The following APC variants were observed in gnomAD, a reference collection of about 807,000 sequenced individuals.
APC encodes the protein APC regulator of Wnt signaling pathway.
In APC, 72 loss-of-function variants were observed where a neutral mutation model predicts 247.0. The ratio of observed to expected loss-of-function variants is 0.29; its 90% CI spans 0.24 to 0.35. APC has a LOEUF of 0.35. APC is among the 10% of genes least tolerant of loss of function. The probability of loss-of-function intolerance (pLI) is 1.00; values close to 1 mark genes in which losing one functional copy is unlikely to be tolerated. For missense variants in APC, 3,400 were observed against 3,360.7 expected, an observed-to-expected ratio of 1.01 and a Z score of -0.29; for synonymous variants, 1,254 against 1,162.5, an observed-to-expected ratio of 1.08 and a Z score of -1.60.
At chr5:112,801,096 C>G (rs1265840154) in intron 7 of APC, among the ~76,000 whole-genome samples, 183 bp from the exon 8 acceptor site, 1 of 152,132 alleles carries the variant, frequency 6.6e-6, no homozygotes, top group Non-Finnish European at 1.5e-5. Context: ...TCACTTTCCC[C>G]TTACCGAGAT....
Position 112,707,781 on chromosome 5 carries a change from C to T in APC, c.64C>T (p.Leu22Phe), listed in dbSNP as rs1554060282. 1.5e-5 allele frequency: 20 copies of T among 1,370,660 alleles called. No individual in the cohort carries two copies. The highest frequency in any genetic ancestry group is 1.9e-5 in the Non-Finnish European group (20 of 1,038,796). The allele number at this position is 1,370,660 out of a possible 1,614,324, so 84.9% of individuals were successfully genotyped here. A position where few individuals can be genotyped will look rare whatever the true frequency, so the allele number is the denominator to read the frequency against. Residue 22 changes from leucine to phenylalanine, a missense_variant, in exon 1 of 14, where the codon CTC (leucine) becomes TTC (phenylalanine). Transcript: ENST00000507379. ...GCCCGCTTCTGTACCACCCTCAGTT[C>T]TCGGGTCCTGGAGCACCGGCGGCAG...
intron 1 of APC, among the ~76,000 whole-genome samples, chr5:112,715,485 T>G (rs563375817): frequency 1.2e-4 from 19 of 152,306 alleles, no homozygotes; most frequent in South Asian, 6.2e-4. Flanking sequence ...ATGAGTGAGG[T>G]GGCCTGTACC....
chr5:112,796,301 A>T (rs1760206359), intron 7 of APC, among the ~76,000 whole-genome samples: 1 of 152,190 alleles, frequency 6.6e-6, no homozygotes, highest in African/African-American at 2.4e-5. Flanking sequence ...TTATTTGGAG[A>T]TCGGAGGGGG....
chr5:112,707,991 C>T, intron 1 of APC: 3 of 1,115,932 alleles, frequency 2.7e-6, no homozygotes, highest in Non-Finnish European at 3.5e-6. Flanking sequence ...TGGCTCTCTT[C>T]TCTCCATGTC....
At chr5:112,754,755 A>G (rs1754762191) in intron 1 of APC, 118 bp from the exon 2 acceptor site, 7 of 943,898 alleles carry the variant, frequency 7.4e-6, no homozygotes, top group Non-Finnish European at 1.1e-5. Flanking sequence ...AAACTAGCAT[A>G]TTAACACAAT....
At chr5:112,821,122 G>T (rs1401052696) in intron 10 of APC, among the ~76,000 whole-genome samples, 2 of 149,838 alleles carry the variant, frequency 1.3e-5, no homozygotes, top group African/African-American at 4.9e-5. Flanking sequence ...GCTCACTTCA[G>T]CCTCCCAAAG....
chr5:112,758,483 C>T lies in APC; in HGVS notation c.135+3458C>T, dbSNP rs577431414. On this transcript the variant is annotated intron_variant, in intron 2 of 15. Coordinates refer to ENST00000257430, the MANE Select transcript of APC (RefSeq NM_000038.6). ...CTGGGACTACGGGTGTGCACCACCA[C>T]GCCCGGCTAATTTTTATATTTTTAG... is the stretch of plus-strand genomic sequence containing the variant. 1.2e-4 allele frequency among the ~76,000 whole-genome samples: 19 copies of T among 152,218 alleles called. No individual in the cohort carries two copies. The South Asian group carries it at 2.7e-3, about 22-fold the overall frequency.
chr5:112,845,404 C>T lies in APC; in HGVS notation c.*1278C>T, dbSNP rs1766897585. Reference sequence around the variant, plus strand: ...GAAATTGATTCTTAGACATTGCAGTCTCTTCGAGGCTTTACAGTGTAAACT... The same window carrying T: ...GAAATTGATTCTTAGACATTGCAGTTTCTTCGAGGCTTTACAGTGTAAACT... On this transcript the variant is annotated 3_prime_UTR_variant, in exon 16 of 16. Transcript: ENST00000257430. 4.3e-6 allele frequency: 1 copy of T among 232,954 alleles called. No individual in the cohort carries two copies. The highest frequency in any genetic ancestry group is 8.5e-6 in the Non-Finnish European group (1 of 117,682). The allele number at this position is 232,954 out of a possible 1,614,324, so 14.4% of individuals were successfully genotyped here.
intron 6 of APC, among the ~76,000 whole-genome samples, chr5:112,791,694 T>A (rs1437359839): frequency 6.6e-6 from 1 of 152,182 alleles, no homozygotes; most frequent in Non-Finnish European, 1.5e-5. Context: ...ACAAATCAGA[T>A]GTTCTTTCCC....
At chr5:112,785,451 A>G (rs1343786320) in intron 6 of APC, among the ~76,000 whole-genome samples, 1 of 152,242 alleles carries the variant, frequency 6.6e-6, no homozygotes, top group Non-Finnish European at 1.5e-5. Context: ...AAAAGCCTGC[A>G]TAAAGAAAAA....
chr5:112,783,712 C>A (rs1354996650), intron 6 of APC: 1 of 277,452 alleles, frequency 3.6e-6, no homozygotes, highest in South Asian at 3.3e-5. Flanking sequence ...GAGGAGGATC[C>A]CTTGAGCCCA....
At chr5:112,803,465 C>T (rs573068185) in intron 8 of APC, among the ~76,000 whole-genome samples, 6 of 152,292 alleles carry the variant, frequency 3.9e-5, no homozygotes, top group Admixed American at 3.3e-4. Context: ...CACACTCCCT[C>T]ACTAACTAGC....
At chr5:112,815,646 A>T (rs1050734369) in intron 9 of APC, 53 bp downstream of exon 9, 1 of 1,456,822 alleles carries the variant, frequency 6.9e-7, no homozygotes, top group East Asian at 2.4e-5. Flanking sequence ...CTTTGCTAAG[A>T]CATTCTTGGC....
intron 7 of APC, among the ~76,000 whole-genome samples, chr5:112,799,182 T>TTA (rs1760521318): frequency 2.3e-5 from 1 of 43,106 alleles, no homozygotes; most frequent in Non-Finnish European, 3.7e-5. Flanking sequence ...AGACTCTGTC[T>TTA]CAAAAAAAAA....
chr5:112,740,030 A>C (rs1752813478), intron 1 of APC, among the ~76,000 whole-genome samples: 1 of 152,152 alleles, frequency 6.6e-6, no homozygotes, highest in Non-Finnish European at 1.5e-5. Context: ...ATAAAACTAT[A>C]ATGCCTTTTA....
intron 1 of APC, among the ~76,000 whole-genome samples, chr5:112,709,851 G>C (rs1011313068): frequency 2.0e-4 from 30 of 152,206 alleles, no homozygotes; most frequent in African/African-American, 6.5e-4. Context: ...GTTGCAGTGA[G>C]CCAAGATTGT....
intron 8 of APC, among the ~76,000 whole-genome samples, chr5:112,814,752 CAT>C (rs754947896): frequency 5.3e-5 from 8 of 152,208 alleles, no homozygotes; most frequent in Non-Finnish European, 1.2e-4. Context: ...TTTGAAATGA[CAT>C]GAGATACTTA....
intron 14 of APC, among the ~76,000 whole-genome samples, chr5:112,833,614 A>G (rs1764547086): frequency 6.6e-6 from 1 of 152,154 alleles, no homozygotes; most frequent in South Asian, 2.1e-4. Context: ...ATGAGCCACC[A>G]CACCCAGCAC....
chr5:112,784,442 T>G (rs1028605179), intron 6 of APC, among the ~76,000 whole-genome samples: 1 of 152,220 alleles, frequency 6.6e-6, no homozygotes, highest in Non-Finnish European at 1.5e-5. Context: ...TTTGCCAAAA[T>G]TAAAATGCCT....
Sources: gnomAD v4.1 joint callset for allele counts (sites outside exome capture counted in the v4.1 genomes callset) on GRCh38, gnomAD v4.1.1 for gene constraint, MANE v1.5 for transcripts, NCBI Gene and HGNC (gene_info 2026-07-23, HGNC 2026-07-21) for gene names.